Variants in PKP4 observed in about 807,000 individuals in gnomAD.
PKP4 encodes the protein plakophilin 4, also known as plakophilin-4.
A neutral mutation model predicts 145.1 loss-of-function variants in PKP4; 90 were observed. That is an observed-to-expected ratio of 0.62 (90% CI 0.52 to 0.74). PKP4 has a LOEUF of 0.74. Among genes scored for constraint, PKP4 ranks in the 30% least tolerant of loss-of-function variants. The pLI is 0.00. For synonymous variants in PKP4, 563 were observed against 577.2 expected (o/e 0.98, Z 0.35); for missense variants, 1,340 against 1,482.7 (o/e 0.90, Z 1.58).
chr2:158,547,821 G>A (rs1185832761), intron 2 of PKP4, among the ~76,000 whole-genome samples: 3 of 151,756 alleles, frequency 2.0e-5, no homozygotes, highest in African/African-American at 7.3e-5. Context: ...TTAATATTGG[G>A]CACTCATAAA....
rs1170544841 is a variant in PKP4, at chr2:158,678,774, G to A, written c.3330+120G>A. On this transcript the variant is annotated intron_variant, in intron 21 of 21. Coordinates refer to ENST00000389759, the MANE Select transcript of PKP4 (RefSeq NM_003628.6). ...GCAGGGTCCTAGATGCTTTCCCTGG[G>A]GATCTTCACTCCTTGGAAACTCAAC... 5 of 737,440 alleles carry A rather than the reference G, an allele frequency of 6.8e-6. No homozygotes were observed. In the African/African-American group the frequency reaches 7.1e-5, roughly 10 times the overall value. The allele number at this position is 737,440 out of a possible 1,614,324, so 45.7% of individuals were successfully genotyped here.
intron 1 of PKP4, among the ~76,000 whole-genome samples, chr2:158,467,093 A>G (rs1690742520): frequency 6.6e-6 from 1 of 152,236 alleles, no homozygotes; most frequent in Admixed American, 6.5e-5. Flanking sequence ...TTGGTATAGT[A>G]AGTAAACCTT....
At chr2:158,475,374 T>C (rs1399292812) in intron 1 of PKP4, among the ~76,000 whole-genome samples, 3 of 152,214 alleles carry the variant, frequency 2.0e-5, no homozygotes, top group Admixed American at 1.3e-4. Context: ...GCACAGTACC[T>C]GGCATAGAGT....
chr2:158,617,208 A>T (rs1374478893), intron 4 of PKP4, among the ~76,000 whole-genome samples: 1 of 152,214 alleles, frequency 6.6e-6, no homozygotes, highest in Non-Finnish European at 1.5e-5. Flanking sequence ...ATTTCATTCT[A>T]CCTTGAAGCT....
chr2:158,556,528 T>C (rs1264645043), intron 2 of PKP4, among the ~76,000 whole-genome samples: 1 of 151,670 alleles, frequency 6.6e-6, no homozygotes, highest in Non-Finnish European at 1.5e-5. Flanking sequence ...TCTCTCTTTT[T>C]TTTTTTTTTT....
chr2:158,505,230 G>A (rs1403139802), intron 1 of PKP4, among the ~76,000 whole-genome samples: 2 of 152,218 alleles, frequency 1.3e-5, no homozygotes, highest in African/African-American at 4.8e-5. Context: ...CCATAGGCAT[G>A]CTGAATATCT....
intron 2 of PKP4, among the ~76,000 whole-genome samples, chr2:158,572,427 A>G (rs2047486743): frequency 6.6e-6 from 1 of 152,252 alleles, no homozygotes; most frequent in Non-Finnish European, 1.5e-5. Flanking sequence ...CACAAAAACT[A>G]AAACCAAAAT....
At chr2:158,680,395 C>A in intron 21 of PKP4, 34 bp from the exon 22 acceptor site, 2 of 1,530,942 alleles carry the variant, frequency 1.3e-6, no homozygotes, top group Middle Eastern at 1.8e-4. Context: ...TAAAAAATTG[C>A]TTTTATTTAT....
chr2:158,575,652 G>A (rs1317530621), intron 2 of PKP4, among the ~76,000 whole-genome samples: 2 of 152,130 alleles, frequency 1.3e-5, no homozygotes, highest in Non-Finnish European at 2.9e-5. Flanking sequence ...GAGGACGAAG[G>A]TATTGTGATG....
At chr2:158,496,604 G>T (rs767222669) in intron 1 of PKP4, among the ~76,000 whole-genome samples, 6 of 152,094 alleles carry the variant, frequency 3.9e-5, no homozygotes, top group Non-Finnish European at 8.8e-5. Context: ...CTTTTAACCA[G>T]AATCTTGTCT....
chr2:158,671,456 TG>T (rs1411367958), intron 17 of PKP4, among the ~76,000 whole-genome samples: 4 of 152,132 alleles, frequency 2.6e-5, no homozygotes, highest in Non-Finnish European at 2.9e-5. Flanking sequence ...AGCCTGCACT[TG>T]TGAGCAGCAT....
intron 1 of PKP4, among the ~76,000 whole-genome samples, chr2:158,523,949 A>G (rs1250941253): frequency 5.4e-4 from 55 of 101,542 alleles, no homozygotes; most frequent in African/African-American, 2.2e-3. Flanking sequence ...ATAAAAAGAA[A>G]TGAGCAAAGC....
chr2:158,672,428 GT>G (rs1319241940), intron 17 of PKP4, among the ~76,000 whole-genome samples: 2 of 152,186 alleles, frequency 1.3e-5, no homozygotes, highest in Non-Finnish European at 2.9e-5. Flanking sequence ...CTGGTCGAGT[GT>G]TTCAGTTGTC....
At chr2:158,517,211 C>T in intron 1 of PKP4, among the ~76,000 whole-genome samples, 1 of 151,824 alleles carries the variant, frequency 6.6e-6, no homozygotes, top group Non-Finnish European at 1.5e-5. Context: ...TTTACCATAC[C>T]CTAATTACAA....
At chr2:158,506,720 T>TTGGA (rs1490304553) in intron 1 of PKP4, among the ~76,000 whole-genome samples, 2 of 152,212 alleles carry the variant, frequency 1.3e-5, no homozygotes, top group Non-Finnish European at 1.5e-5. Context: ...ACTTTATGAA[T>TTGGA]TGGAATATTC....
rs2041925915 is a variant in PKP4 at position 158,516,143 on chromosome 2, G to A, written c.-5-17037G>A. Among the ~76,000 whole-genome samples, 6 of 151,366 alleles carry A rather than the reference G, an allele frequency of 4.0e-5. No individual in the cohort carries two copies. In the South Asian group the frequency reaches 8.3e-4, roughly 21 times the overall value. On this transcript the variant is annotated intron_variant, in intron 1 of 21. Coordinates refer to ENST00000389759, the MANE Select transcript of PKP4 (RefSeq NM_003628.6). ...CAGGTTCTTTTTTTCATGATTTCTC[G>A]GAGTCTTTATGATGCTCCACACCAG...
At chr2:158,638,369 T>C (rs2053989883) in intron 9 of PKP4, among the ~76,000 whole-genome samples, 1 of 152,234 alleles carries the variant, frequency 6.6e-6, no homozygotes, top group Non-Finnish European at 1.5e-5. Flanking sequence ...ATTGATCTTG[T>C]TTTACAGTTG....
At chr2:158,459,472 GA>G (rs924731661) in intron 1 of PKP4, among the ~76,000 whole-genome samples, 8 of 151,348 alleles carry the variant, frequency 5.3e-5, no homozygotes, top group Non-Finnish European at 7.4e-5. Flanking sequence ...CAACAGAAAG[GA>G]AAAAAAATAG....
At chr2:158,657,232 G>T (rs1474411477) in intron 11 of PKP4, among the ~76,000 whole-genome samples, 1 of 152,146 alleles carries the variant, frequency 6.6e-6, no homozygotes, top group African/African-American at 2.4e-5. Context: ...TGACATTAGG[G>T]TAGGTATCAT....
Sources: allele counts gnomAD v4.1 joint callset (sites outside exome capture counted in the v4.1 genomes callset), GRCh38; gene constraint gnomAD v4.1.1; transcripts MANE v1.5; gene names NCBI Gene and HGNC (gene_info 2026-07-23, HGNC 2026-07-21).